The following LRP1B variants were observed in gnomAD, a reference collection of about 807,000 sequenced individuals.
LRP1B encodes low-density lipoprotein receptor-related protein 1B.
LRP1B carries 217 observed loss-of-function variants against 556.6 expected under a neutral mutation model. The ratio of observed to expected loss-of-function variants is 0.39; its 90% confidence interval spans 0.35 to 0.44. The LOEUF (loss-of-function observed/expected upper bound fraction) is 0.44. Among genes scored for constraint, LRP1B ranks in the 20% least tolerant of loss-of-function variants. LRP1B has a pLI of 1.00. For synonymous variants in LRP1B, 2,047 were observed against 1,865.8 expected (o/e 1.10, Z -2.50); for missense variants, 5,053 against 5,620.8 (o/e 0.90, Z 3.23).
At chr2:140,507,016 T>G (rs1192985800) in intron 52 of LRP1B, 98 bp from the exon 53 acceptor site, 1 of 1,289,194 alleles carries the variant, frequency 7.8e-7, no homozygotes, top group Admixed American at 2.5e-5. Context: ...TATCCAATAA[T>G]TCATAGTTAC....
intron 2 of LRP1B, among the ~76,000 whole-genome samples, chr2:141,755,368 A>G (rs1694278236): frequency 6.6e-6 from 1 of 152,074 alleles, no homozygotes; most frequent in South Asian, 2.1e-4. Context: ...AAAACCTTAA[A>G]TCAAAAGAAA....
At chr2:141,929,508 A>G (rs1012518163) in intron 1 of LRP1B, among the ~76,000 whole-genome samples, 1 of 151,896 alleles carries the variant, frequency 6.6e-6, no homozygotes, top group Non-Finnish European at 1.5e-5. Context: ...CAACCACAAC[A>G]TCGTAGGTAT....
intron 3 of LRP1B, among the ~76,000 whole-genome samples, chr2:141,442,645 G>A (rs899194538): frequency 1.3e-5 from 2 of 151,842 alleles, no homozygotes; most frequent in African/African-American, 4.8e-5. Flanking sequence ...TGTTCTCATT[G>A]TTCAACTCCT....
Position 141,386,453 on chromosome 2 carries a change from AC to A in LRP1B, c.343+93942del, listed in dbSNP as rs372181241. Reference sequence around the variant, plus strand: ...ATGCTTTTTAAAAAAGCATGATCCAACCTATATACTGTCCATAGAAGAGTCA... The same window carrying A: ...ATGCTTTTTAAAAAAGCATGATCCAACTATATACTGTCCATAGAAGAGTCA... On this transcript the variant is annotated intron_variant, in intron 3 of 90. Transcript: ENST00000389484. 4.6e-4 allele frequency among the ~76,000 whole-genome samples: 70 copies of A among 152,210 alleles called. 1 individual carries two copies. Among genetic ancestry groups the A allele is most frequent in the Middle Eastern group, 3.4e-3 (1 of 292 alleles).
At chr2:141,958,805 G>A (rs552040294) in intron 1 of LRP1B, among the ~76,000 whole-genome samples, 7 of 152,060 alleles carry the variant, frequency 4.6e-5, no homozygotes, top group African/African-American at 1.7e-4. Context: ...TATAAACTCA[G>A]ACTGGTGTAA....
intron 3 of LRP1B, among the ~76,000 whole-genome samples, chr2:141,467,425 T>C (rs1040760136): frequency 1.9e-4 from 29 of 152,098 alleles, no homozygotes; most frequent in African/African-American, 6.8e-4. Flanking sequence ...TGATACAAAA[T>C]GCAAGTATTT....
Position 140,716,829 on chromosome 2 carries a change from C to CA in LRP1B, c.5759-14dup. On this transcript the variant is annotated splice_polypyrimidine_tract_variant and intron_variant, in intron 35 of 90. Coordinates refer to ENST00000389484, the MANE Select transcript of LRP1B (RefSeq NM_018557.3). ...ATGGTATCATTTTCTATGGATAAGA[C>CA]ACAGAAAAAAAATACATATACACAC... 6.6e-7 allele frequency: 1 copy of CA among 1,510,238 alleles called. No individual in the cohort carries two copies. Among genetic ancestry groups the CA allele is most frequent in the African/African-American group, 1.5e-5 (1 of 65,830 alleles). 93.6% of individuals were successfully genotyped at this position (1,510,238 alleles called of 1,614,324 possible). A position where few individuals can be genotyped will look rare whatever the true frequency, so the allele number is the denominator to read the frequency against.
At chr2:140,548,248 C>A (rs916929258) in intron 43 of LRP1B, among the ~76,000 whole-genome samples, 3 of 152,104 alleles carry the variant, frequency 2.0e-5, no homozygotes, top group Non-Finnish European at 4.4e-5. Context: ...GGATCTGGAA[C>A]TTGATATAAG....
chr2:141,191,354 T>G (rs1475137134), intron 6 of LRP1B, among the ~76,000 whole-genome samples: 2 of 152,006 alleles, frequency 1.3e-5, no homozygotes, highest in African/African-American at 4.8e-5. Context: ...AGTTTCCTTC[T>G]GCAATCTGAG....
intron 11 of LRP1B, among the ~76,000 whole-genome samples, chr2:141,042,304 A>G (rs960657686): frequency 2.6e-5 from 4 of 152,064 alleles, no homozygotes; most frequent in African/African-American, 9.7e-5. Flanking sequence ...AGAAAAAAAA[A>G]TGGGCGTTCC....
intron 6 of LRP1B, among the ~76,000 whole-genome samples, chr2:141,215,109 GT>G (rs1449377790): frequency 6.6e-6 from 1 of 152,116 alleles, no homozygotes; most frequent in Admixed American, 6.5e-5. Context: ...TTATGGCTTG[GT>G]GCTGTCCTCA....
intron 6 of LRP1B, among the ~76,000 whole-genome samples, chr2:141,226,042 T>C (rs1683232109): frequency 1.3e-5 from 2 of 152,052 alleles, no homozygotes; most frequent in Non-Finnish European, 2.9e-5. Flanking sequence ...TAGAAAAAGC[T>C]ATAAAGTCTG....
chr2:141,368,512 A>T (rs2105585133), intron 3 of LRP1B, among the ~76,000 whole-genome samples: 1 of 152,312 alleles, frequency 6.6e-6, no homozygotes, highest in East Asian at 1.9e-4. Context: ...AGGACAGAAA[A>T]TATCACAGAT....
At chr2:141,121,801 C>T (rs1167509654) in intron 7 of LRP1B, among the ~76,000 whole-genome samples, 2 of 152,022 alleles carry the variant, frequency 1.3e-5, no homozygotes, top group Non-Finnish European at 2.9e-5. Flanking sequence ...CAAGACAATC[C>T]TACAGCAAAA....
intron 20 of LRP1B, among the ~76,000 whole-genome samples, chr2:140,930,168 C>G (rs546208553): frequency 9.2e-5 from 14 of 152,116 alleles, no homozygotes; most frequent in African/African-American, 3.4e-4. Flanking sequence ...TCCCAACAGA[C>G]TGTTAAAATG....
At chr2:141,941,819 C>T (rs1700813789) in intron 1 of LRP1B, among the ~76,000 whole-genome samples, 1 of 152,158 alleles carries the variant, frequency 6.6e-6, no homozygotes, top group African/African-American at 2.4e-5. Context: ...AAAATAATCA[C>T]TCACAATCAC....
chr2:141,160,863 A>G (rs141990349), intron 7 of LRP1B, among the ~76,000 whole-genome samples: 1 of 151,132 alleles, frequency 6.6e-6, no homozygotes, highest in Non-Finnish European at 1.5e-5. Context: ...TATATATATA[A>G]AATAAGGTTC....
intron 35 of LRP1B, among the ~76,000 whole-genome samples, chr2:140,744,197 T>C (rs557902296): frequency 3.2e-4 from 48 of 151,896 alleles, no homozygotes; most frequent in Non-Finnish European, 5.5e-4. Context: ...TTGCATTGCA[T>C]TGATATACAT....
chr2:140,850,770 T>C (rs910849541), intron 28 of LRP1B, among the ~76,000 whole-genome samples: 1 of 152,216 alleles, frequency 6.6e-6, no homozygotes, highest in Non-Finnish European at 1.5e-5. Context: ...AAATCTTGTA[T>C]ATATTTTTCC....
Sources: gnomAD v4.1 joint callset for allele counts (sites outside exome capture counted in the v4.1 genomes callset) on GRCh38, gnomAD v4.1.1 for gene constraint, MANE v1.5 for transcripts, NCBI Gene and HGNC (gene_info 2026-07-23, HGNC 2026-07-21) for gene names.